Variants in SNX29 observed in about 807,000 individuals in gnomAD.
SNX29 encodes the protein sorting nexin 29.
Under a neutral mutation model 102.1 loss-of-function variants are expected in SNX29, and 78 were observed. The ratio of observed to expected loss-of-function variants is 0.76; its 90% CI spans 0.64 to 0.92. The LOEUF (loss-of-function observed/expected upper bound fraction) is 0.92. SNX29 is among the 40% of genes least tolerant of loss of function. SNX29 has a pLI of 0.00. For missense variants in SNX29, 1,280 were observed against 1,061.7 expected, an observed-to-expected ratio of 1.21 and a Z score of -2.86; for synonymous variants, 580 against 414.5, an observed-to-expected ratio of 1.40 and a Z score of -4.85.
Position 12,387,605 on chromosome 16 carries a change from A to G in SNX29, c.1900-10841A>G, listed in dbSNP as rs897349931. The stretch of plus-strand genomic sequence containing the variant: ...TTGTGCAGCCAGCAGGATGCTGGGC[A>G]TTTTAAAATAGGATGTCGCAGGCGT... On this transcript the variant is annotated intron_variant, in intron 16 of 20. Coordinates refer to ENST00000566228, the MANE Select transcript of SNX29 (RefSeq NM_032167.5). 5.3e-5 allele frequency among the ~76,000 whole-genome samples: 8 copies of G among 152,348 alleles called. No homozygotes were observed. The East Asian group carries it at 5.8e-4, about 11-fold the overall frequency.
At chr16:12,533,803 A>G (rs932664432) in intron 20 of SNX29, among the ~76,000 whole-genome samples, 8 of 152,176 alleles carry the variant, frequency 5.3e-5, no homozygotes, top group Non-Finnish European at 1.0e-4. Context: ...CATAGGCCCC[A>G]TCAAAAGGGA....
At chr16:12,343,243 C>T (rs1394649859) in intron 15 of SNX29, among the ~76,000 whole-genome samples, 5 of 152,202 alleles carry the variant, frequency 3.3e-5, no homozygotes, top group African/African-American at 1.2e-4. Flanking sequence ...CCTGTGCTTT[C>T]CAGCACCTTG....
intron 20 of SNX29, among the ~76,000 whole-genome samples, chr16:12,565,753 G>T (rs191480787): frequency 2.3e-3 from 352 of 152,256 alleles, no homozygotes; most frequent in African/African-American, 8.3e-3. Flanking sequence ...CCATGGGCCT[G>T]CCACCTTCAC....
In SNX29 at chr16:12,496,164, A is replaced by C. The variant is rs532962176; in HGVS notation, c.2178+18305A>C. On this transcript the variant is annotated intron_variant, in intron 19 of 20. Transcript: ENST00000566228. ...AGAGATGGGGACTTGCAGAAAGGTCACACTCATTTGTAGGTGACTATACTA... is the reference window on the plus strand; with the variant it reads ...AGAGATGGGGACTTGCAGAAAGGTCCCACTCATTTGTAGGTGACTATACTA... 2.0e-5 allele frequency among the ~76,000 whole-genome samples: 3 copies of C among 152,354 alleles called. No individual in the cohort carries two copies. The South Asian group carries it at 6.2e-4, about 32-fold the overall frequency.
chr16:12,463,929 C>T (rs962544349), intron 18 of SNX29, among the ~76,000 whole-genome samples: 3 of 151,032 alleles, frequency 2.0e-5, no homozygotes, highest in Non-Finnish European at 4.4e-5. Flanking sequence ...GCCAGAGTCC[C>T]CATGCTGTCA....
intron 15 of SNX29, among the ~76,000 whole-genome samples, chr16:12,327,491 C>A (rs2081154852): frequency 6.6e-6 from 1 of 152,108 alleles, no homozygotes. Flanking sequence ...CCACTGTGGT[C>A]TTTCTTCTCT....
intron 18 of SNX29, among the ~76,000 whole-genome samples, chr16:12,470,992 G>A (rs2087310304): frequency 1.3e-5 from 2 of 152,296 alleles, no homozygotes; most frequent in South Asian, 2.1e-4. Flanking sequence ...GGTCACAGCA[G>A]CCGAAAAGGA....
At chr16:12,563,634 C>G (rs940535622) in intron 20 of SNX29, among the ~76,000 whole-genome samples, 6 of 152,226 alleles carry the variant, frequency 3.9e-5, no homozygotes, top group East Asian at 1.9e-4. Context: ...TGTCCTGGCC[C>G]CAGAAGGTAG....
At position 12,062,054 on chromosome 16, in the gene SNX29, G is replaced by A. The variant is rs377400935; in HGVS notation, c.1243+408G>A. 1.5e-4 allele frequency among the ~76,000 whole-genome samples: 23 copies of A among 152,298 alleles called. No homozygotes were observed. The East Asian group carries it at 3.7e-3, about 24-fold the overall frequency. On this transcript the variant is annotated intron_variant, in intron 9 of 20. Transcript: ENST00000566228. Reference sequence around the variant, plus strand: ...AGGCCCTGCCACCCTGTGCAGAAAAGTGCTTGGGGATCAGGAAGTAGCTTG... The same window carrying A: ...AGGCCCTGCCACCCTGTGCAGAAAAATGCTTGGGGATCAGGAAGTAGCTTG...
chr16:12,373,204 C>T (rs987246830), intron 16 of SNX29, among the ~76,000 whole-genome samples: 4 of 152,208 alleles, frequency 2.6e-5, no homozygotes, highest in Non-Finnish European at 4.4e-5. Flanking sequence ...GCAGTCATAG[C>T]TCGCTGCAGC....
rs193207751 is a variant in SNX29, at chr16:12,302,778, G to A, written c.1782+24742G>A. Reference sequence around the variant, plus strand: ...TGCTAGGTAATACCTTTTATAAAACGCCATGGAGTGACTTGGGGCCACACT... The same window carrying A: ...TGCTAGGTAATACCTTTTATAAAACACCATGGAGTGACTTGGGGCCACACT... On this transcript the variant is annotated intron_variant, in intron 15 of 20. Transcript: ENST00000566228. Among the ~76,000 whole-genome samples the A allele has an allele frequency of 9.9e-4, 151 of 152,246 alleles. 2 individuals are homozygous for A. The highest frequency in any genetic ancestry group is 3.6e-3 in the African/African-American group (149 of 41,544).
At chr16:12,378,788 C>A (rs552540430) in intron 16 of SNX29, among the ~76,000 whole-genome samples, 1 of 152,318 alleles carries the variant, frequency 6.6e-6, no homozygotes, top group Admixed American at 6.5e-5. Context: ...TCCGTTCTCA[C>A]TGCTCCCTTC....
intron 18 of SNX29, among the ~76,000 whole-genome samples, chr16:12,445,791 C>A (rs1295269043): frequency 6.6e-6 from 1 of 152,154 alleles, no homozygotes; most frequent in African/African-American, 2.4e-5. Flanking sequence ...GGATTGAGTG[C>A]TTTACAGATA....
At chr16:12,128,189 T>C (rs2054300822) in intron 12 of SNX29, among the ~76,000 whole-genome samples, 1 of 152,246 alleles carries the variant, frequency 6.6e-6, no homozygotes, top group Non-Finnish European at 1.5e-5. Flanking sequence ...CTTGCGCCAT[T>C]GAGGGATTCT....
chr16:12,267,675 G>C (rs2078968319), intron 14 of SNX29, among the ~76,000 whole-genome samples: 1 of 152,226 alleles, frequency 6.6e-6, no homozygotes, highest in Non-Finnish European at 1.5e-5. Flanking sequence ...GGAAGGTGCT[G>C]TAGCTGGAGG....
chr16:12,300,595 AATG>A (rs1298054365), intron 15 of SNX29, among the ~76,000 whole-genome samples: 1 of 152,230 alleles, frequency 6.6e-6, no homozygotes, highest in Non-Finnish European at 1.5e-5. Context: ...CTAAAAAAAG[AATG>A]ATGAGAGAGA....
In SNX29 at chr16:12,572,175, T is replaced by C. The variant is rs546013847; in HGVS notation, c.*3546T>C. 2.0e-6 allele frequency: 2 copies of C among 978,902 alleles called. No homozygotes were observed. The highest frequency in any genetic ancestry group is 4.5e-4 in the Middle Eastern group (1 of 2,220). The allele number at this position is 978,902 out of a possible 1,614,324, so 60.6% of individuals were successfully genotyped here. On this transcript the variant is annotated 3_prime_UTR_variant, in exon 21 of 21. Transcript: ENST00000566228. ...AGATCAATTTTGATAACCATGTAATTTCTTAGAACCATGGCAGGTAGTATT... is the reference window on the plus strand; with the variant it reads ...AGATCAATTTTGATAACCATGTAATCTCTTAGAACCATGGCAGGTAGTATT...
At chr16:12,537,277 G>T (rs1246437747) in intron 20 of SNX29, among the ~76,000 whole-genome samples, 2 of 152,208 alleles carry the variant, frequency 1.3e-5, no homozygotes, top group Non-Finnish European at 2.9e-5. Flanking sequence ...TCAGGAAACT[G>T]GTTAGTGTGG....
chr16:12,511,543 G>T (rs2089619785), intron 19 of SNX29, among the ~76,000 whole-genome samples: 2 of 152,172 alleles, frequency 1.3e-5, no homozygotes, highest in African/African-American at 4.8e-5. Flanking sequence ...GCTCCGTGTG[G>T]AGCCCTTGTT....
Sources: allele counts gnomAD v4.1 joint callset (sites outside exome capture counted in the v4.1 genomes callset), GRCh38; gene constraint gnomAD v4.1.1; transcripts MANE v1.5; gene names NCBI Gene and HGNC (gene_info 2026-07-23, HGNC 2026-07-21).